MACROH2A1: variants seen among roughly 807,000 people sequenced by gnomAD.
MACROH2A1 encodes macroH2A.1 histone.
MACROH2A1 carries 2 observed loss-of-function variants against 31.6 expected under a neutral mutation model. The ratio of observed to expected loss-of-function variants is 0.06; its 90% CI spans 0.03 to 0.20. The LOEUF (loss-of-function observed/expected upper bound fraction) is 0.20, where lower values mean the gene tolerates loss of function less well. MACROH2A1 is among the 10% of genes least tolerant of loss of function. The pLI is 1.00. For missense variants in MACROH2A1, 230 were observed against 474.0 expected (o/e 0.49, Z 4.78); for synonymous variants, 169 against 189.6 (o/e 0.89, Z 0.89).
chr5:135,376,695 T>C (rs964020924), intron 2 of MACROH2A1, among the ~76,000 whole-genome samples: 1 of 152,216 alleles, frequency 6.6e-6, no homozygotes, highest in African/African-American at 2.4e-5. Flanking sequence ...CATCTAAGCC[T>C]CAGTTTCCTA....
At chr5:135,335,655 C>G (rs1758534507) in intron 8 of MACROH2A1, among the ~76,000 whole-genome samples, 1 of 152,230 alleles carries the variant, frequency 6.6e-6, no homozygotes, top group African/African-American at 2.4e-5. Flanking sequence ...GGTACCACCC[C>G]AGAGGCCAGA....
chr5:135,370,174 G>C, intron 2 of MACROH2A1, 32 bp from the exon 3 acceptor site: 2 of 1,385,432 alleles, frequency 1.4e-6, no homozygotes, highest in Non-Finnish European at 2.0e-6. Context: ...GTATGGTCAT[G>C]TTAGAGGACC....
intron 4 of MACROH2A1, among the ~76,000 whole-genome samples, chr5:135,363,195 C>CAAA (rs113768626): frequency 1.5e-5 from 2 of 135,244 alleles, no homozygotes; most frequent in African/African-American, 5.3e-5. Flanking sequence ...ACCAAAAATA[C>CAAA]AAAAAAAAAA....
At chr5:135,370,254 G>GCTGCCT in intron 2 of MACROH2A1, 112 bp from the exon 3 acceptor site, 1 of 647,002 alleles carries the variant, frequency 1.5e-6, no homozygotes, top group Non-Finnish European at 2.7e-6. Flanking sequence ...TCAGGAAGCA[G>GCTGCCT]CTACCCTGAG....
At chr5:135,396,604 T>C (rs1768022292) in intron 1 of MACROH2A1, among the ~76,000 whole-genome samples, 1 of 152,000 alleles carries the variant, frequency 6.6e-6, no homozygotes, top group Admixed American at 6.6e-5. Context: ...AGCCATCTCC[T>C]GCTTGACCTT....
In MACROH2A1 at chr5:135,369,451, A is replaced by T; in HGVS notation, c.432T>A (p.Pro144=). The change falls in exon 4 of 9, where the codon CCT becomes CCA. Residue 144 remains proline (P), a synonymous_variant. Coordinates refer to ENST00000511689, the MANE Select transcript of MACROH2A1 (RefSeq NM_138610.3). The surrounding 1 kb of genome is among the most constrained non-coding windows in gnomAD (Gnocchi z 4.3). ...KKAKSPSQKK[P]VSKKAGGKKG... Reference sequence around the variant, plus strand: ...TCTTGCCTCCTGCTTTTTTAGATACAGGCTTCTTCTGGGATGGAGACTTGG... The same window carrying T: ...TCTTGCCTCCTGCTTTTTTAGATACTGGCTTCTTCTGGGATGGAGACTTGG... The T allele has an allele frequency of 8.7e-6, 14 of 1,614,086 alleles. No homozygotes were observed. The highest frequency in any genetic ancestry group is 1.6e-4 in the Middle Eastern group (1 of 6,062).
At chr5:135,387,965 AG>A (rs1431847230) in intron 2 of MACROH2A1, among the ~76,000 whole-genome samples, 1 of 151,126 alleles carries the variant, frequency 6.6e-6, no homozygotes, top group Non-Finnish European at 1.5e-5. Flanking sequence ...ATCAAATTTG[AG>A]GTGATGTGAC....
At chr5:135,350,754 G>A in intron 6 of MACROH2A1, 1 of 897,946 alleles carries the variant, frequency 1.1e-6, no homozygotes. Flanking sequence ...GCTGTCAAAG[G>A]ATCAAGCTGT....
In MACROH2A1 at chr5:135,343,540, C is replaced by G. The variant is rs188070659; in HGVS notation, c.779-106G>C. 32 of 1,507,452 alleles carry G rather than the reference C, an allele frequency of 2.1e-5. No homozygotes were observed. The Middle Eastern group carries it at 7.4e-4, about 35-fold the overall frequency. 93.4% of individuals were successfully genotyped at this position (1,507,452 alleles called of 1,614,324 possible). A position where few individuals can be genotyped will look rare whatever the true frequency, so the allele number is the denominator to read the frequency against. On this transcript the variant is annotated intron_variant, in intron 7 of 8. Transcript: ENST00000511689. Reference sequence around the variant, plus strand: ...CTGCCACGGTATATCTTCCTGGGCCCTCCAATGCCCTGTGTCCGAGGAGTT... The same window carrying G: ...CTGCCACGGTATATCTTCCTGGGCCGTCCAATGCCCTGTGTCCGAGGAGTT...
At chr5:135,350,945 T>C (rs1197786465) in intron 6 of MACROH2A1, 5 of 1,445,118 alleles carry the variant, frequency 3.5e-6, no homozygotes, top group Non-Finnish European at 4.9e-6. Flanking sequence ...ATATCAACTG[T>C]GTTGGACCGA....
At chr5:135,342,589 C>A (rs1760080594) in intron 8 of MACROH2A1, among the ~76,000 whole-genome samples, 1 of 152,186 alleles carries the variant, frequency 6.6e-6, no homozygotes, top group Non-Finnish European at 1.5e-5. Flanking sequence ...GTCTTAGGGG[C>A]AACTGTGTTG....
chr5:135,372,600 G>A (rs1764310779), intron 2 of MACROH2A1, among the ~76,000 whole-genome samples: 1 of 152,260 alleles, frequency 6.6e-6, no homozygotes, highest in Non-Finnish European at 1.5e-5. Context: ...TGTGAATGCA[G>A]AAGCGCCTGC....
intron 4 of MACROH2A1, chr5:135,360,838 C>G: frequency 1.5e-6 from 1 of 672,042 alleles, no homozygotes; most frequent in Admixed American, 2.1e-5. Context: ...AAAAACCAGC[C>G]ACTTAAAGGT....
rs1392194207 is a variant in MACROH2A1, at chr5:135,399,149, C to G, written c.-121G>C. The G allele has an allele frequency of 1.3e-5, 2 of 151,718 alleles. No homozygotes were observed. The highest frequency in any genetic ancestry group is 4.9e-5 in the African/African-American group (2 of 40,984). The allele number at this position is 151,718 out of a possible 1,614,324, so 9.4% of individuals were successfully genotyped here. A position where few individuals can be genotyped will look rare whatever the true frequency, so the allele number is the denominator to read the frequency against. ...TCGCGCCTTTTCTCTCCGCGCTCCTCGCTGGCCCGCCCGCCTCTTCGCTTC... is the reference window on the plus strand; with the variant it reads ...TCGCGCCTTTTCTCTCCGCGCTCCTGGCTGGCCCGCCCGCCTCTTCGCTTC... On this transcript the variant is annotated 5_prime_UTR_variant, in exon 1 of 9. Transcript: ENST00000511689. This position sits in a 1 kb window ranked among gnomAD's most constrained non-coding sequence, Gnocchi z 4.5.
At chr5:135,363,031 C>A (rs934762721) in intron 4 of MACROH2A1, 1 of 152,082 alleles carries the variant, frequency 6.6e-6, no homozygotes, top group Non-Finnish European at 1.5e-5. Context: ...ACAGCATGAC[C>A]CGAAAACTGC....
chr5:135,353,155 A>C (rs891235263), intron 5 of MACROH2A1, 110 bp from the exon 6 acceptor site: 1 of 718,120 alleles, frequency 1.4e-6, no homozygotes, highest in Admixed American at 2.1e-5. Context: ...CACGAGGCAC[A>C]AAAGGGAAGC....
intron 2 of MACROH2A1, among the ~76,000 whole-genome samples, chr5:135,379,408 G>C (rs115287983): frequency 1.1e-4 from 17 of 152,330 alleles, no homozygotes; most frequent in African/African-American, 4.1e-4. Context: ...CAGAGAGTTA[G>C]GCTGAGTGGA....
chr5:135,371,907 A>G (rs531252205), intron 2 of MACROH2A1, among the ~76,000 whole-genome samples: 1 of 152,382 alleles, frequency 6.6e-6, no homozygotes, highest in East Asian at 1.9e-4. Flanking sequence ...ATCGTGTGTT[A>G]AAAATTTACG....
At chr5:135,355,180 T>C in intron 5 of MACROH2A1, 1 of 456,108 alleles carries the variant, frequency 2.2e-6, no homozygotes, top group African/African-American at 2.0e-5. Context: ...CCACCTGCTC[T>C]GTCTAGGGGA....
Sources: gnomAD v4.1 joint callset for allele counts (sites outside exome capture counted in the v4.1 genomes callset) on GRCh38, gnomAD v4.1.1 for gene constraint, Gnocchi (gnomAD v3.1) non-coding constraint, MANE v1.5 for transcripts, NCBI Gene and HGNC (gene_info 2026-07-23, HGNC 2026-07-21) for gene names.